B3GALT1: variants seen among roughly 807,000 people sequenced by gnomAD.
B3GALT1 encodes UDP-Gal:betaGlcNAc beta 1,3-galactosyltransferase, polypeptide 1.
In B3GALT1, 10 loss-of-function variants were observed where a neutral mutation model predicts 23.2. The observed-to-expected ratio is 0.43, with a 90% CI of 0.27 to 0.73. The LOEUF (loss-of-function observed/expected upper bound fraction) is 0.73. Ranked by LOEUF, B3GALT1 falls within the 30% of genes least tolerant of loss-of-function variation. B3GALT1 has a pLI of 0.21. For missense variants in B3GALT1, 299 were observed against 405.4 expected (o/e 0.74, Z 2.25); for synonymous variants, 156 against 141.5 (o/e 1.10, Z -0.73).
At chr2:167,421,201 A>AG (rs1559091432) in intron 1 of B3GALT1, among the ~76,000 whole-genome samples, 2 of 152,232 alleles carry the variant, frequency 1.3e-5, no homozygotes, top group Non-Finnish European at 2.9e-5. Flanking sequence ...AATGTAAATT[A>AG]ATTAAACTTA....
At chr2:167,560,109 A>G (rs190618684) in intron 2 of B3GALT1, among the ~76,000 whole-genome samples, 7,177 of 152,304 alleles carry the variant, frequency 0.047, 332 homozygotes, top group African/African-American at 0.13. Flanking sequence ...CAGATCTCTC[A>G]GCAGAAACTC....
In B3GALT1 at chr2:167,548,685, AGTGTGTGTGT is replaced by A. The variant is rs71031297; in HGVS notation, c.-410+58431_-410+58440del. ...GATTGCCTGTCCAGACGTGTGTGTG[AGTGTGTGTGT>A]GTGTGTGTGTGTGTGTGTGTGTATG... On this transcript the variant is annotated intron_variant, in intron 2 of 4. Transcript: ENST00000392690. Among the ~76,000 whole-genome samples the A allele has an allele frequency of 4.5e-4, 65 of 144,810 alleles. 1 individual carries two copies. Among genetic ancestry groups the A allele is most frequent in the East Asian group, 2.0e-3 (10 of 4,892 alleles).
At chr2:167,669,625 T>TAATGTAAATG (rs1686285048) in intron 3 of B3GALT1, among the ~76,000 whole-genome samples, 1 of 152,242 alleles carries the variant, frequency 6.6e-6, no homozygotes, top group Non-Finnish European at 1.5e-5. Context: ...GAAATGTATC[T>TAATGTAAATG]AAAATTTATC....
intron 2 of B3GALT1, among the ~76,000 whole-genome samples, chr2:167,590,700 A>G (rs1684664861): frequency 6.6e-6 from 1 of 152,216 alleles, no homozygotes; most frequent in Non-Finnish European, 1.5e-5. Context: ...ACACTAAGCT[A>G]CTTTAAAAAT....
chr2:167,632,613 T>C (rs186768994), intron 2 of B3GALT1, among the ~76,000 whole-genome samples: 1,787 of 152,088 alleles, frequency 0.012, 16 homozygotes, highest in South Asian at 0.037. Flanking sequence ...AGTGTCTGTT[T>C]ATATCCTTTG....
At chr2:167,429,054 C>T (rs1004591555) in intron 1 of B3GALT1, among the ~76,000 whole-genome samples, 3 of 151,852 alleles carry the variant, frequency 2.0e-5, no homozygotes, top group Non-Finnish European at 2.9e-5. Flanking sequence ...CTGAGGCAGG[C>T]GGATCACGAG....
intron 3 of B3GALT1, among the ~76,000 whole-genome samples, chr2:167,774,485 G>GTTTTGTTTTTTGTTTTTTTTTTTT (rs1688125273): frequency 9.5e-6 from 1 of 105,180 alleles, no homozygotes; most frequent in Non-Finnish European, 2.0e-5. Flanking sequence ...TTTTTTTTTT[G>GTTTTGTTTTTTGTTTTTTTTTTTT]TTTTTTTTTT....
chr2:167,782,339 G>T (rs1020416442), intron 3 of B3GALT1, among the ~76,000 whole-genome samples: 14 of 152,268 alleles, frequency 9.2e-5, no homozygotes, highest in African/African-American at 3.4e-4. Flanking sequence ...GGTGTGCAGG[G>T]TTGAGGGTTG....
In B3GALT1 at chr2:167,869,325, G is replaced by A; in HGVS notation, c.286G>A (p.Ala96Thr). 2 of 1,614,136 alleles carry A rather than the reference G, an allele frequency of 1.2e-6. No homozygotes were observed. Among genetic ancestry groups the A allele is most frequent in the Non-Finnish European group, 1.7e-6 (2 of 1,180,014 alleles). ...TCACAAGGAATTTGATGCCCGTCAG[G>A]CAATCAGAGAGACGTGGGGGGATGA... Reference protein sequence around the residue: ...TTHKEFDARQAIRETWGDENN... With the variant: ...TTHKEFDARQTIRETWGDENN... Residue 96 changes from alanine to threonine, a missense_variant, in exon 5 of 5, where the codon GCA (alanine) becomes ACA (threonine). By Grantham distance (58) the Ala-to-Thr change is moderately conservative. Coordinates refer to ENST00000392690, the MANE Select transcript of B3GALT1 (RefSeq NM_020981.4). This position sits in a 1 kb window ranked among gnomAD's most constrained non-coding sequence, Gnocchi z 6.4.
chr2:167,538,596 C>G (rs996974972), intron 2 of B3GALT1, among the ~76,000 whole-genome samples: 8 of 152,130 alleles, frequency 5.3e-5, no homozygotes, highest in African/African-American at 1.9e-4. Flanking sequence ...TTGAATCACC[C>G]TGGGTGGAGC....
intron 1 of B3GALT1, among the ~76,000 whole-genome samples, chr2:167,441,232 AT>A (rs1698888737): frequency 6.6e-6 from 1 of 152,226 alleles, no homozygotes; most frequent in African/African-American, 2.4e-5. Flanking sequence ...TTTGACTTGG[AT>A]TCCAGCACCC....
At position 167,580,048 on chromosome 2, in the gene B3GALT1, AT is replaced by A. The variant is rs549482505; in HGVS notation, c.-409-66859del. ...ATCATTCTTGCATCATCTTCACGAT[AT>A]TGGGAAACACGGTGTTGGATAAAAT... On this transcript the variant is annotated intron_variant, in intron 2 of 4. Transcript: ENST00000392690. 3.4e-3 allele frequency among the ~76,000 whole-genome samples: 518 copies of A among 152,262 alleles called. 2 individuals are homozygous for A. The highest frequency in any genetic ancestry group is 0.017 in the Middle Eastern group (5 of 294).
chr2:167,520,321 A>G (rs1375787181), intron 2 of B3GALT1, among the ~76,000 whole-genome samples: 3 of 151,850 alleles, frequency 2.0e-5, no homozygotes, highest in Non-Finnish European at 4.4e-5. Flanking sequence ...TTTTTTTAAG[A>G]TTAGGAAACA....
At chr2:167,703,076 G>T (rs1686905797) in intron 3 of B3GALT1, among the ~76,000 whole-genome samples, 1 of 152,120 alleles carries the variant, frequency 6.6e-6, no homozygotes, top group Admixed American at 6.5e-5. Flanking sequence ...GGCATCAGGG[G>T]GACAATCAAT....
At chr2:167,531,743 GTAT>G (rs1423524014) in intron 2 of B3GALT1, among the ~76,000 whole-genome samples, 2 of 152,010 alleles carry the variant, frequency 1.3e-5, no homozygotes, top group Non-Finnish European at 1.5e-5. Flanking sequence ...CTATAATTAT[GTAT>G]TATAACTTTT....
At chr2:167,458,376 G>A (rs1158922865) in intron 1 of B3GALT1, among the ~76,000 whole-genome samples, 1 of 152,180 alleles carries the variant, frequency 6.6e-6, no homozygotes, top group Non-Finnish European at 1.5e-5. Context: ...CACTTGGGTT[G>A]CTTCTATGTT....
intron 2 of B3GALT1, among the ~76,000 whole-genome samples, chr2:167,639,403 T>A (rs935485235): frequency 6.6e-6 from 1 of 152,014 alleles, no homozygotes; most frequent in African/African-American, 2.4e-5. Context: ...TGTTGAAGCT[T>A]ACAGAAGTCA....
intron 3 of B3GALT1, among the ~76,000 whole-genome samples, chr2:167,774,498 T>TTTTTTTTTTTTTTTTTG (rs1688127985): frequency 8.7e-5 from 3 of 34,454 alleles, no homozygotes; most frequent in African/African-American, 2.0e-4. Flanking sequence ...TTTTTTTTTG[T>TTTTTTTTTTTTTTTTTG]TTTTTTTTTT....
rs1255146063 is a variant in B3GALT1 at position 167,549,922 on chromosome 2, G to A, written c.-410+59645G>A. ...CTTTTATACTCTTACTCTTTGATCA[G>A]ATAAATAGCTATACCAGACCTACCT... is the stretch of plus-strand genomic sequence containing the variant. On this transcript the variant is annotated intron_variant, in intron 2 of 4. Transcript: ENST00000392690. 2.0e-5 allele frequency among the ~76,000 whole-genome samples: 3 copies of A among 150,620 alleles called. No homozygotes were observed. In the South Asian group the frequency reaches 6.3e-4, roughly 31 times the overall value.
Sources: gnomAD v4.1 joint callset for allele counts (sites outside exome capture counted in the v4.1 genomes callset) on GRCh38, gnomAD v4.1.1 for gene constraint, Gnocchi (gnomAD v3.1) non-coding constraint, MANE v1.5 for transcripts, NCBI Gene and HGNC (gene_info 2026-07-23, HGNC 2026-07-21) for gene names.